Variants in CNTLN observed in about 807,000 individuals in gnomAD.
The protein encoded by CNTLN is centlein, centrosomal protein.
A neutral mutation model predicts 180.0 loss-of-function variants in CNTLN; 212 were observed. The ratio of observed to expected loss-of-function variants is 1.18; its 90% CI spans 1.05 to 1.32. The LOEUF is 1.32. Ranked by LOEUF, CNTLN falls within the 40% of genes most tolerant of loss-of-function variation. The pLI is 0.00. For missense variants in CNTLN, 2,095 were observed against 1,610.9 expected (o/e 1.30, Z -5.14); for synonymous variants, 722 against 563.1 (o/e 1.28, Z -3.99).
chr9:17,511,569 T>A, the CNTLN span, among the ~76,000 whole-genome samples: 2 of 152,064 alleles, frequency 1.3e-5, no homozygotes, highest in African/African-American at 4.8e-5. Context: ...TTGCTAGCTA[T>A]TGGTTGGAGT....
chr9:17,348,176 T>C lies in CNTLN; in HGVS notation c.1886+5732T>C, dbSNP rs368090042. Among the ~76,000 whole-genome samples, 31 of 152,216 alleles carry C rather than the reference T, an allele frequency of 2.0e-4. 1 individual carries two copies. In the East Asian group the frequency reaches 5.8e-3, roughly 28 times the overall value. On this transcript the variant is annotated intron_variant, in intron 12 of 25. Coordinates refer to ENST00000380647, the MANE Select transcript of CNTLN (RefSeq NM_017738.4). The stretch of plus-strand genomic sequence containing the variant: ...CACTGAGTATGTCGTACGTCACTTA[T>C]TGCCAGCCTGGGAAAAGATCAGAAT...
rs771366885 is a variant in CNTLN at position 17,313,259 on chromosome 9, A to G, written c.1341+4007A>G. Among the ~76,000 whole-genome samples, 7 of 152,134 alleles carry G rather than the reference A, an allele frequency of 4.6e-5. No individual in the cohort carries two copies. In the South Asian group the frequency reaches 1.2e-3, roughly 27 times the overall value. On this transcript the variant is annotated intron_variant, in intron 8 of 25. Coordinates refer to ENST00000380647, the MANE Select transcript of CNTLN (RefSeq NM_017738.4). The stretch of plus-strand genomic sequence containing the variant: ...CTGTTGTTTATAATCCATTCTGACA[A>G]TTTCTTCCTTTTCATTGCAGTGTTA...
intron 2 of CNTLN, among the ~76,000 whole-genome samples, chr9:17,213,938 G>A (rs967703453): frequency 3.3e-5 from 5 of 151,788 alleles, no homozygotes; most frequent in African/African-American, 4.8e-5. Flanking sequence ...TATTTTGAGC[G>A]TATGTGTGTC....
At chr9:17,461,974 A>G (rs926158657) in intron 19 of CNTLN, among the ~76,000 whole-genome samples, 2 of 151,810 alleles carry the variant, frequency 1.3e-5, no homozygotes, top group Non-Finnish European at 2.9e-5. Context: ...CAGAACAAAC[A>G]TGTTTTGCTT....
chr9:17,233,569 A>G (rs1824943913), intron 3 of CNTLN, among the ~76,000 whole-genome samples: 1 of 152,172 alleles, frequency 6.6e-6, no homozygotes, highest in Non-Finnish European at 1.5e-5. Context: ...ATTCTTGGTC[A>G]TGAATATTTG....
intron 12 of CNTLN, among the ~76,000 whole-genome samples, chr9:17,361,276 T>C (rs1823369662): frequency 6.6e-6 from 1 of 152,190 alleles, no homozygotes; most frequent in African/African-American, 2.4e-5. Flanking sequence ...GTGTTCTCAT[T>C]GTTCATTTAA....
At chr9:17,425,459 T>C (rs1651815899) in intron 18 of CNTLN, among the ~76,000 whole-genome samples, 1 of 152,242 alleles carries the variant, frequency 6.6e-6, no homozygotes, top group Admixed American at 6.5e-5. Flanking sequence ...TGGCTAGCCC[T>C]CTAGAACTGT....
At chr9:17,307,088 G>C (rs1485086510) in intron 7 of CNTLN, among the ~76,000 whole-genome samples, 1 of 152,118 alleles carries the variant, frequency 6.6e-6, no homozygotes, top group Non-Finnish European at 1.5e-5. Flanking sequence ...GATGGTATCA[G>C]CTGTGGAAAT....
intron 18 of CNTLN, among the ~76,000 whole-genome samples, chr9:17,422,422 C>T (rs1257025891): frequency 2.3e-4 from 35 of 152,028 alleles, no homozygotes; most frequent in Admixed American, 2.3e-3. Flanking sequence ...GAATTATTCT[C>T]CTGTGTATTT....
chr9:17,351,989 A>T (rs1208737435), intron 12 of CNTLN, among the ~76,000 whole-genome samples: 1 of 152,170 alleles, frequency 6.6e-6, no homozygotes, highest in Non-Finnish European at 1.5e-5. Flanking sequence ...TTCCTAGCTG[A>T]TACTGAGAAT....
intron 14 of CNTLN, among the ~76,000 whole-genome samples, chr9:17,391,663 C>A (rs1826125719): frequency 6.6e-6 from 1 of 152,050 alleles, no homozygotes; most frequent in Non-Finnish European, 1.5e-5. Flanking sequence ...TTGTTTATAA[C>A]ATAATTTAAT....
intron 12 of CNTLN, among the ~76,000 whole-genome samples, chr9:17,359,735 A>AAAAACAAAACAAAAAACAAAAAC (rs1823177367): frequency 9.0e-6 from 1 of 111,234 alleles, no homozygotes; most frequent in African/African-American, 3.5e-5. Context: ...CAAAAAAAAA[A>AAAAACAAAACAAAAAACAAAAAC]AAAAAAAAAA....
chr9:17,360,761 C>G (rs1359325815), intron 12 of CNTLN, among the ~76,000 whole-genome samples: 2 of 152,104 alleles, frequency 1.3e-5, no homozygotes, highest in Non-Finnish European at 2.9e-5. Flanking sequence ...TTTTATTATT[C>G]TATTGTGGTC....
intron 5 of CNTLN, among the ~76,000 whole-genome samples, chr9:17,241,990 G>T (rs893802257): frequency 6.6e-6 from 1 of 152,078 alleles, no homozygotes; most frequent in African/African-American, 2.4e-5. Flanking sequence ...TATATCATTG[G>T]CAAACAAGGA....
intron 5 of CNTLN, among the ~76,000 whole-genome samples, chr9:17,257,524 T>C (rs1826600161): frequency 1.3e-5 from 2 of 151,720 alleles, no homozygotes; most frequent in African/African-American, 4.9e-5. Context: ...ATGGTATTTC[T>C]AGTTCTAGAT....
At chr9:17,414,434 T>C (rs1467213395) in intron 16 of CNTLN, among the ~76,000 whole-genome samples, 1 of 152,210 alleles carries the variant, frequency 6.6e-6, no homozygotes, top group Non-Finnish European at 1.5e-5. Flanking sequence ...CTGATATTAG[T>C]ACTTCAATTG....
At chr9:17,174,712 A>AG (rs1309816139) in intron 2 of CNTLN, among the ~76,000 whole-genome samples, 1 of 150,618 alleles carries the variant, frequency 6.6e-6, no homozygotes, top group Non-Finnish European at 1.5e-5. Context: ...AAAAAAAAAA[A>AG]AAGAAAGAAA....
At chr9:17,419,493 T>TG (rs1487763441) in intron 18 of CNTLN, among the ~76,000 whole-genome samples, 4 of 152,164 alleles carry the variant, frequency 2.6e-5, no homozygotes, top group African/African-American at 9.7e-5. Flanking sequence ...GTTATACACA[T>TG]GCAATGTTTA....
chr9:17,312,342 T>TA (rs1819192004), intron 8 of CNTLN, among the ~76,000 whole-genome samples: 16 of 11,564 alleles, frequency 1.4e-3, no homozygotes, highest in Non-Finnish European at 4.0e-3. Flanking sequence ...GATTACTGTA[T>TA]TTATATATAT....
Sources: gnomAD v4.1 joint callset for allele counts (sites outside exome capture counted in the v4.1 genomes callset) on GRCh38, gnomAD v4.1.1 for gene constraint, MANE v1.5 for transcripts, NCBI Gene and HGNC (gene_info 2026-07-23, HGNC 2026-07-21) for gene names.